Variants in EED observed in about 807,000 individuals in gnomAD.
EED encodes the protein polycomb protein EED.
A neutral mutation model predicts 61.0 loss-of-function variants in EED; 9 were observed. The ratio of observed to expected loss-of-function variants is 0.15; its 90% CI spans 0.09 to 0.26. EED has a LOEUF of 0.26. Ranked by LOEUF, EED falls within the 10% of genes least tolerant of loss-of-function variation. The probability of loss-of-function intolerance (pLI) is 1.00; values close to 1 mark genes in which losing one functional copy is unlikely to be tolerated. For missense variants in EED, 315 were observed against 542.3 expected (o/e 0.58, Z 4.16); for synonymous variants, 187 against 174.4 (o/e 1.07, Z -0.57).
At chr11:86,285,130 A>G in the EED span, among the ~76,000 whole-genome samples, 1 of 151,872 alleles carries the variant, frequency 6.6e-6, no homozygotes. Context: ...AAACCAAAAA[A>G]CAGAAAAGGC....
At position 86,245,009 on chromosome 11, in the gene EED, C is replaced by CCGCGCGGGAGGGCG. The variant is rs1378053766; in HGVS notation, c.-214_-201dup. On this transcript the variant is annotated 5_prime_UTR_variant, in exon 1 of 12. Coordinates refer to ENST00000263360, the MANE Select transcript of EED (RefSeq NM_003797.5). ...TTGGGGAAGGGAAGGAGCCAGGAAG[C>CCGCGCGGGAGGGCG]CGCGCGGGAGGGCGCGCGCGCGCGC... 6 of 454,394 alleles carry CCGCGCGGGAGGGCG rather than the reference C, an allele frequency of 1.3e-5. No homozygotes were observed. Among genetic ancestry groups the CCGCGCGGGAGGGCG allele is most frequent in the Admixed American group, 9.1e-5 (2 of 21,904 alleles). 28.1% of individuals were successfully genotyped at this position (454,394 alleles called of 1,614,324 possible).
At chr11:86,272,756 T>A in intron 9 of EED, among the ~76,000 whole-genome samples, 1 of 152,208 alleles carries the variant, frequency 6.6e-6, no homozygotes, top group East Asian at 1.9e-4. Flanking sequence ...CTATGTATAT[T>A]ATAATTGAGT....
At chr11:86,250,670 T>A (rs1354753330) in intron 2 of EED, among the ~76,000 whole-genome samples, 1 of 152,160 alleles carries the variant, frequency 6.6e-6, no homozygotes, top group East Asian at 1.9e-4. Context: ...AATTTAAATA[T>A]GTGACAGTGT....
chr11:86,281,218 T>C (rs1000070799), downstream of EED, among the ~76,000 whole-genome samples: 17 of 152,220 alleles, frequency 1.1e-4, no homozygotes, highest in African/African-American at 4.1e-4. Context: ...GGGAAGAATG[T>C]GAGGATTGGT....
At chr11:86,266,399 T>TG (rs1375220650) in intron 8 of EED, among the ~76,000 whole-genome samples, 183 bp downstream of exon 8, 12 of 152,148 alleles carry the variant, frequency 7.9e-5, no homozygotes, top group African/African-American at 2.4e-5. Context: ...GCAGTGTTTG[T>TG]GGCTTAGTTT....
intron 6 of EED, among the ~76,000 whole-genome samples, chr11:86,262,537 C>T (rs189802509): frequency 2.6e-4 from 40 of 152,298 alleles, no homozygotes; most frequent in Non-Finnish European, 7.4e-5. Flanking sequence ...CCTCTGCTCC[C>T]TCACACCCTC....
chr11:86,286,923 G>T, the EED span, among the ~76,000 whole-genome samples: 1 of 125,976 alleles, frequency 7.9e-6, no homozygotes, highest in African/African-American at 2.9e-5. Flanking sequence ...AGTGAGCCAA[G>T]ATAGCGCCAC....
Position 86,277,104 on chromosome 11 carries a change from G to T in EED, c.1091G>T (p.Trp364Leu). The change falls in exon 10 of 12, where the codon TGG (tryptophan) becomes TTG (leucine). Residue 364 changes from tryptophan (W) to leucine (L), a missense_variant. Physicochemically the swap from Trp to Leu is moderately conservative, Grantham distance 61 (BLOSUM62 -2). Coordinates refer to ENST00000263360, the MANE Select transcript of EED (RefSeq NM_003797.5). ...GRFDYSQCDI[W>L]YMRFSMDFWQ... is the part of the protein sequence containing the mutation. ...TTTGATTACAGCCAGTGTGACATTT[G>T]GTACATGAGGTTTTCTATGGATTTC... 6.3e-7 allele frequency: 1 copy of T among 1,591,280 alleles called. No homozygotes were observed. Among genetic ancestry groups the T allele is most frequent in the Non-Finnish European group, 8.6e-7 (1 of 1,164,576 alleles).
At chr11:86,269,728 C>T (rs538469703) in intron 9 of EED, among the ~76,000 whole-genome samples, 2 of 152,242 alleles carry the variant, frequency 1.3e-5, no homozygotes, top group Middle Eastern at 3.4e-3. Context: ...CATTTTATCA[C>T]GTGAATTTTG....
At chr11:86,281,027 T>C (rs1049375360), downstream of EED, among the ~76,000 whole-genome samples, 1 of 152,226 alleles carries the variant, frequency 6.6e-6, no homozygotes, top group African/African-American at 2.4e-5. Context: ...CACATGGTCA[T>C]GGTGGATGAT....
intron 11 of EED, 118 bp from the exon 12 acceptor site, chr11:86,278,281 G>A: frequency 2.8e-6 from 4 of 1,449,296 alleles, no homozygotes; most frequent in Admixed American, 2.5e-5. Context: ...GTATATTCTG[G>A]TTTTAAGTGC....
chr11:86,274,123 T>C (rs1332759485), intron 9 of EED, among the ~76,000 whole-genome samples: 1 of 151,618 alleles, frequency 6.6e-6, no homozygotes, highest in African/African-American at 2.4e-5. Flanking sequence ...TTGTTCAGAT[T>C]GGGTAATTTC....
At chr11:86,254,789 A>T (rs1388076231) in intron 3 of EED, among the ~76,000 whole-genome samples, 3 of 151,758 alleles carry the variant, frequency 2.0e-5, no homozygotes, top group Non-Finnish European at 4.4e-5. Context: ...CGCTCAGCTA[A>T]TTTTTGTATT....
rs531993434 is a variant in EED at position 86,248,832 on chromosome 11, G to A, written c.115-1464G>A. 8.5e-5 allele frequency among the ~76,000 whole-genome samples: 13 copies of A among 152,182 alleles called. No individual in the cohort carries two copies. In the South Asian group the frequency reaches 2.3e-3, roughly 27 times the overall value. On this transcript the variant is annotated intron_variant, in intron 1 of 11. Transcript: ENST00000263360. Reference sequence around the variant, plus strand: ...CCAGGAGTTTGAGACCAGCCTGGGCGACATCGTGAAACTCTGTCTCTACCA... The same window carrying A: ...CCAGGAGTTTGAGACCAGCCTGGGCAACATCGTGAAACTCTGTCTCTACCA...
At chr11:86,269,778 G>T (rs562296160) in intron 9 of EED, among the ~76,000 whole-genome samples, 1 of 152,174 alleles carries the variant, frequency 6.6e-6, no homozygotes, top group Non-Finnish European at 1.5e-5. Context: ...TTTTAAGATT[G>T]TTTTTTTCCA....
At chr11:86,281,795 T>C (rs1307962361), downstream of EED, among the ~76,000 whole-genome samples, 3 of 152,226 alleles carry the variant, frequency 2.0e-5, no homozygotes, top group Non-Finnish European at 4.4e-5. Context: ...TAGCTACGAC[T>C]GTAGGCATGC....
intron 5 of EED, among the ~76,000 whole-genome samples, chr11:86,257,080 C>G (rs535367552): frequency 2.0e-5 from 3 of 151,746 alleles, no homozygotes; most frequent in Admixed American, 2.0e-4. Flanking sequence ...CTCCTTTGCC[C>G]GGGCTGGAAT....
chr11:86,281,940 T>A (rs1329923632), downstream of EED, among the ~76,000 whole-genome samples: 5 of 152,256 alleles, frequency 3.3e-5, no homozygotes, highest in East Asian at 9.6e-4. Context: ...GAGTATTATG[T>A]TTCCGAAAAG....
At chr11:86,247,420 T>C (rs1199690244) in intron 1 of EED, among the ~76,000 whole-genome samples, 2 of 152,234 alleles carry the variant, frequency 1.3e-5, no homozygotes, top group Non-Finnish European at 2.9e-5. Flanking sequence ...CTATACTATA[T>C]GTACTTTATT....
Sources: allele counts gnomAD v4.1 joint callset (sites outside exome capture counted in the v4.1 genomes callset), GRCh38; gene constraint gnomAD v4.1.1; transcripts MANE v1.5; gene names NCBI Gene and HGNC (gene_info 2026-07-23, HGNC 2026-07-21).